HS6ST3: variants seen among roughly 807,000 people sequenced by gnomAD.
HS6ST3 encodes heparan sulfate 6-O-sulfotransferase 3.
A neutral mutation model predicts 36.7 loss-of-function variants in HS6ST3; 12 were observed. The ratio of observed to expected loss-of-function variants is 0.33; its 90% confidence interval spans 0.21 to 0.53. The LOEUF (loss-of-function observed/expected upper bound fraction) is 0.53, where lower values mean the gene tolerates loss of function less well. Ranked by LOEUF, HS6ST3 falls within the 20% of genes least tolerant of loss-of-function variation. The probability of loss-of-function intolerance (pLI) is 0.95; values close to 1 mark genes in which losing one functional copy is unlikely to be tolerated. For missense variants in HS6ST3, 584 were observed against 640.9 expected (o/e 0.91, Z 0.96); for synonymous variants, 240 against 257.5 (o/e 0.93, Z 0.65).
intron 1 of HS6ST3, among the ~76,000 whole-genome samples, chr13:96,217,862 A>C (rs2054434910): frequency 6.6e-6 from 1 of 152,206 alleles, no homozygotes; most frequent in South Asian, 2.1e-4. Flanking sequence ...ATAAATACAT[A>C]GATGAATGGG....
At chr13:96,745,913 G>C (rs370890222) in intron 1 of HS6ST3, among the ~76,000 whole-genome samples, 1 of 151,898 alleles carries the variant, frequency 6.6e-6, no homozygotes, top group Non-Finnish European at 1.5e-5. Context: ...CTTTCCCATC[G>C]CTGCAGAAAT....
rs549880921 is a variant in HS6ST3 at position 96,178,163 on chromosome 13, CT to C, written c.707+86596del. Reference sequence around the variant, plus strand: ...GTACAAGATTGGCCACGAATTAATACTTCTGAGGCTGAATATTGGATACATG... The same window carrying C: ...GTACAAGATTGGCCACGAATTAATACTCTGAGGCTGAATATTGGATACATG... On this transcript the variant is annotated intron_variant, in intron 1 of 1. Transcript: ENST00000376705. Among the ~76,000 whole-genome samples the C allele has an allele frequency of 2.9e-3, 445 of 152,296 alleles. 1 individual carries two copies. The highest frequency in any genetic ancestry group is 1.0e-2 in the African/African-American group (415 of 41,554).
At chr13:96,605,943 A>G (rs1242381475) in intron 1 of HS6ST3, among the ~76,000 whole-genome samples, 1 of 152,172 alleles carries the variant, frequency 6.6e-6, no homozygotes, top group East Asian at 1.9e-4. Context: ...TTAAAAGAAG[A>G]TATACAAGCA....
chr13:96,116,259 A>T (rs149343049), intron 1 of HS6ST3, among the ~76,000 whole-genome samples: 2,599 of 152,064 alleles, frequency 0.017, 63 homozygotes, highest in African/African-American at 0.06. Context: ...CTGAATTGCT[A>T]CTCATAGGCC....
intron 1 of HS6ST3, among the ~76,000 whole-genome samples, chr13:96,214,862 T>A (rs1280304011): frequency 6.6e-6 from 1 of 152,212 alleles, no homozygotes; most frequent in Non-Finnish European, 1.5e-5. Flanking sequence ...AATTTGAGAT[T>A]TAGACCATTC....
chr13:96,445,990 G>T (rs933399013), intron 1 of HS6ST3, among the ~76,000 whole-genome samples: 2 of 152,158 alleles, frequency 1.3e-5, no homozygotes, highest in South Asian at 4.2e-4. Flanking sequence ...GGCTAACACG[G>T]TGAAACCCCG....
Position 96,704,553 on chromosome 13 carries a change from A to G in HS6ST3, c.708-127937A>G, listed in dbSNP as rs562145329. Among the ~76,000 whole-genome samples the G allele has an allele frequency of 5.9e-5, 9 of 152,296 alleles. No individual in the cohort carries two copies. In the South Asian group the frequency reaches 1.7e-3, roughly 28 times the overall value. ...GAAGCAGTATGTCTAAAAATTCAAT[A>G]TAGAATTAAGGTGTTGCTCTTGAGT... On this transcript the variant is annotated intron_variant, in intron 1 of 1. Transcript: ENST00000376705.
chr13:96,234,522 G>A (rs2054524942), intron 1 of HS6ST3, among the ~76,000 whole-genome samples: 1 of 152,160 alleles, frequency 6.6e-6, no homozygotes, highest in African/African-American at 2.4e-5. Context: ...CCATATGGCT[G>A]GGGAGGCCTC....
chr13:96,677,580 TTTTA>T lies in HS6ST3; in HGVS notation c.708-154906_708-154903del, dbSNP rs1476073664. Among the ~76,000 whole-genome samples the T allele has an allele frequency of 2.0e-4, 31 of 152,302 alleles. No homozygotes were observed. The South Asian group carries it at 3.1e-3, about 15-fold the overall frequency. On this transcript the variant is annotated intron_variant, in intron 1 of 1. Coordinates refer to ENST00000376705, the MANE Select transcript of HS6ST3 (RefSeq NM_153456.4). ...TTTATATGCACACATCTCATACATT[TTTTA>T]TTTGAGAAAAATTAAAGTGAAAGAA... is the stretch of plus-strand genomic sequence containing the variant.
In HS6ST3 at chr13:96,109,005, A is replaced by G. The variant is rs140870959; in HGVS notation, c.707+17436A>G. Among the ~76,000 whole-genome samples, 605 of 132,200 alleles carry G rather than the reference A, an allele frequency of 4.6e-3. 4 individuals are homozygous for G. Among genetic ancestry groups the G allele is most frequent in the Middle Eastern group, 0.03 (8 of 268 alleles). The allele number at this position is 132,200 out of a possible 152,430, so 86.7% of individuals were successfully genotyped here. ...TCTCTATCTCTATCTCTATCCCTCT[A>G]TCATCTGGATCTTTATATTGTAACT... On this transcript the variant is annotated intron_variant, in intron 1 of 1. Transcript: ENST00000376705.
intron 1 of HS6ST3, among the ~76,000 whole-genome samples, chr13:96,376,065 C>T (rs533793793): frequency 5.8e-4 from 88 of 152,146 alleles, no homozygotes; most frequent in Non-Finnish European, 9.6e-4. Flanking sequence ...TATGGAACCC[C>T]GAATGATCAA....
intron 1 of HS6ST3, among the ~76,000 whole-genome samples, chr13:96,299,624 A>G (rs1459664592): frequency 1.3e-5 from 2 of 152,180 alleles, no homozygotes; most frequent in Non-Finnish European, 2.9e-5. Context: ...CAGCAAGTCC[A>G]TATTATGAAA....
intron 1 of HS6ST3, among the ~76,000 whole-genome samples, chr13:96,424,701 C>G (rs773110166): frequency 7.9e-5 from 12 of 152,026 alleles, no homozygotes; most frequent in Admixed American, 2.0e-4. Flanking sequence ...ATAAGGGCAC[C>G]GGTCCCATTC....
intron 1 of HS6ST3, among the ~76,000 whole-genome samples, chr13:96,379,437 A>G (rs2055330545): frequency 6.6e-6 from 1 of 152,188 alleles, no homozygotes; most frequent in Non-Finnish European, 1.5e-5. Flanking sequence ...TGAACCAGGA[A>G]GCAGGTCCTC....
At chr13:96,580,334 AC>A (rs1284421680) in intron 1 of HS6ST3, among the ~76,000 whole-genome samples, 1 of 151,290 alleles carries the variant, frequency 6.6e-6, no homozygotes, top group Non-Finnish European at 1.5e-5. Context: ...CCTTCACTAA[AC>A]AACTCTGTAA....
chr13:96,611,740 G>A (rs548470656), intron 1 of HS6ST3, among the ~76,000 whole-genome samples: 130 of 152,268 alleles, frequency 8.5e-4, no homozygotes, highest in Non-Finnish European at 1.3e-3. Flanking sequence ...GTCATGAAAA[G>A]TCATCAAATT....
chr13:96,798,402 G>C (rs1377916384), intron 1 of HS6ST3, among the ~76,000 whole-genome samples: 1 of 152,094 alleles, frequency 6.6e-6, no homozygotes, highest in Non-Finnish European at 1.5e-5. Flanking sequence ...TGGGTGACCA[G>C]CTCCCATCTT....
chr13:96,195,152 T>C (rs1383124760), intron 1 of HS6ST3, among the ~76,000 whole-genome samples: 1 of 152,224 alleles, frequency 6.6e-6, no homozygotes, highest in Admixed American at 6.5e-5. Flanking sequence ...AGGATTTTCT[T>C]TTTTAAAATG....
chr13:96,393,359 A>T lies in HS6ST3; in HGVS notation c.707+301790A>T, dbSNP rs1250410672. On this transcript the variant is annotated intron_variant, in intron 1 of 1. Transcript: ENST00000376705. ...CCTTAGGTAGCAAGCTGTTATAATC[A>T]TCCAGGAAACTATTAAATGTGTGAC... Among the ~76,000 whole-genome samples, 10 of 152,214 alleles carry T rather than the reference A, an allele frequency of 6.6e-5. No homozygotes were observed. The South Asian group carries it at 1.7e-3, about 25-fold the overall frequency.
Sources: gnomAD v4.1 joint callset for allele counts (sites outside exome capture counted in the v4.1 genomes callset) on GRCh38, gnomAD v4.1.1 for gene constraint, MANE v1.5 for transcripts, NCBI Gene and HGNC (gene_info 2026-07-23, HGNC 2026-07-21) for gene names.